The following SNX16 variants were observed in gnomAD, a reference collection of about 807,000 sequenced individuals.
SNX16 encodes the protein sorting nexin-16.
Under a neutral mutation model 36.7 loss-of-function variants are expected in SNX16, and 35 were observed. The ratio of observed to expected loss-of-function variants is 0.95; its 90% CI spans 0.73 to 1.27. SNX16 has a LOEUF of 1.27. Ranked by LOEUF, SNX16 falls within the 50% of genes most tolerant of loss-of-function variation. SNX16 has a pLI of 0.00. For synonymous variants in SNX16, 134 were observed against 132.0 expected (o/e 1.02, Z -0.10); for missense variants, 367 against 393.6 (o/e 0.93, Z 0.57).
intron 3 of SNX16, among the ~76,000 whole-genome samples, chr8:81,826,463 G>C (rs992190724): frequency 6.6e-6 from 1 of 151,996 alleles, no homozygotes; most frequent in South Asian, 2.1e-4. Flanking sequence ...CTGTAACCTG[G>C]AAGTAGAAAT....
chr8:81,817,887 T>C (rs1810564409), intron 4 of SNX16, among the ~76,000 whole-genome samples: 1 of 152,186 alleles, frequency 6.6e-6, no homozygotes, highest in African/African-American at 2.4e-5. Context: ...TGTGTGCCAT[T>C]ATTCCTTTTA....
chr8:81,833,073 T>A (rs1811338834), intron 2 of SNX16, among the ~76,000 whole-genome samples: 1 of 151,930 alleles, frequency 6.6e-6, no homozygotes, highest in South Asian at 2.1e-4. Context: ...GTAAACAGCT[T>A]TTATTAAAAT....
intron 4 of SNX16, among the ~76,000 whole-genome samples, chr8:81,822,957 T>TAC (rs1220563871): frequency 3.8e-5 from 3 of 79,428 alleles, no homozygotes; most frequent in African/African-American, 1.0e-4. Flanking sequence ...CATATATATA[T>TAC]ATATATATAT....
Position 81,817,945 on chromosome 8 carries a change from T to C in SNX16, c.612-2551A>G, listed in dbSNP as rs569561831. ...GTGTTTGGGAAACCTATTTTAAAAT[T>C]GGGGTCAGGTGTTGACTTAATTTAC... On this transcript the variant is annotated intron_variant, in intron 4 of 7. Coordinates refer to ENST00000345957, the MANE Select transcript of SNX16 (RefSeq NM_152836.3). Among the ~76,000 whole-genome samples, 4 of 152,270 alleles carry C rather than the reference T, an allele frequency of 2.6e-5. No homozygotes were observed. The South Asian group carries it at 8.3e-4, about 32-fold the overall frequency.
intron 5 of SNX16, chr8:81,808,127 A>G (rs1810052036): frequency 1.6e-6 from 2 of 1,253,398 alleles, no homozygotes; most frequent in Non-Finnish European, 2.3e-6. Flanking sequence ...ACTGAAGAAC[A>G]TCACCTAAGA....
At chr8:81,802,069 T>A (rs1809723806) in intron 7 of SNX16, among the ~76,000 whole-genome samples, 1 of 151,602 alleles carries the variant, frequency 6.6e-6, no homozygotes, top group South Asian at 2.1e-4. Flanking sequence ...TGAGGGAGAT[T>A]AAGGTAATCT....
Position 81,807,744 on chromosome 8 carries a change from T to G in SNX16, c.682-4516A>C. The G allele has an allele frequency of 4.6e-6, 3 of 648,722 alleles. No individual in the cohort carries two copies. The South Asian group carries it at 5.4e-5, about 12-fold the overall frequency. The allele number at this position is 648,722 out of a possible 1,614,324, so 40.2% of individuals were successfully genotyped here. A position where few individuals can be genotyped will look rare whatever the true frequency, so the allele number is the denominator to read the frequency against. On this transcript the variant is annotated intron_variant, in intron 5 of 7. Coordinates refer to ENST00000345957, the MANE Select transcript of SNX16 (RefSeq NM_152836.3). ...CCCGTGGATGCCGCCGAAGAAGCAT[T>G]GTTAAAGTCTCTCTTCTCCCTGCTG...
At chr8:81,809,387 A>G (rs1810120010) in intron 5 of SNX16, among the ~76,000 whole-genome samples, 1 of 152,176 alleles carries the variant, frequency 6.6e-6, no homozygotes, top group Non-Finnish European at 1.5e-5. Flanking sequence ...ATGGGAATGA[A>G]GCTTGTGTAT....
chr8:81,827,202 T>C (rs567391854), intron 3 of SNX16, among the ~76,000 whole-genome samples: 2 of 152,276 alleles, frequency 1.3e-5, no homozygotes, highest in African/African-American at 4.8e-5. Flanking sequence ...TTCTAAAAGA[T>C]TTATCTAAAT....
chr8:81,808,741 A>G, intron 5 of SNX16: 2 of 1,134,466 alleles, frequency 1.8e-6, no homozygotes, highest in Non-Finnish European at 2.6e-6. Flanking sequence ...TAATTAGGAA[A>G]CAAAGCTCAG....
chr8:81,829,599 T>A lies in SNX16; in HGVS notation c.376-83A>T, dbSNP rs1348171175. On this transcript the variant is annotated intron_variant, in intron 2 of 7. Coordinates refer to ENST00000345957, the MANE Select transcript of SNX16 (RefSeq NM_152836.3). ...AACTCAAGCCAAATATTTTAAAAAA[T>A]TTTACTTGATAACCCAGACTATAAC... is the stretch of plus-strand genomic sequence containing the variant. 4 of 500,556 alleles carry A rather than the reference T, an allele frequency of 8.0e-6. No individual in the cohort carries two copies. The African/African-American group carries it at 8.0e-5, about 10-fold the overall frequency. 31.0% of individuals were successfully genotyped at this position (500,556 alleles called of 1,614,324 possible). A position where few individuals can be genotyped will look rare whatever the true frequency, so the allele number is the denominator to read the frequency against.
At chr8:81,826,530 T>C (rs1272698335) in intron 3 of SNX16, among the ~76,000 whole-genome samples, 1 of 152,050 alleles carries the variant, frequency 6.6e-6, no homozygotes, top group Non-Finnish European at 1.5e-5. Flanking sequence ...ATGGCCATAT[T>C]TCTACAATCA....
chr8:81,838,470 C>T (rs1329136272), intron 2 of SNX16, among the ~76,000 whole-genome samples: 1 of 151,694 alleles, frequency 6.6e-6, no homozygotes, highest in African/African-American at 2.4e-5. Flanking sequence ...CAGAAGCAGA[C>T]CCATGCATTT....
intron 5 of SNX16, 30 bp from the exon 6 acceptor site, chr8:81,803,258 A>G (rs1383888832): frequency 2.5e-6 from 4 of 1,575,582 alleles, no homozygotes; most frequent in South Asian, 1.2e-5. Flanking sequence ...AAAACTAAAC[A>G]CATGCAGAAA....
rs146641286 is a variant in SNX16, at chr8:81,832,751, T to C, written c.376-3235A>G. Among the ~76,000 whole-genome samples the C allele has an allele frequency of 9.7e-4, 147 of 151,568 alleles. No homozygotes were observed. In the Middle Eastern group the frequency reaches 0.01, roughly 11 times the overall value. On this transcript the variant is annotated intron_variant, in intron 2 of 7. Coordinates refer to ENST00000345957, the MANE Select transcript of SNX16 (RefSeq NM_152836.3). ...TTTTTATAAGTATGCTTTTAGAATG[T>C]ATTAAGAGAAAGTGTTATTTATGAT... is the stretch of plus-strand genomic sequence containing the variant.
intron 4 of SNX16, among the ~76,000 whole-genome samples, chr8:81,822,513 G>C (rs1810791387): frequency 1.3e-5 from 2 of 152,012 alleles, no homozygotes; most frequent in Non-Finnish European, 2.9e-5. Flanking sequence ...TAGTAAGAGG[G>C]GAGGAGGAAG....
intron 2 of SNX16, among the ~76,000 whole-genome samples, chr8:81,836,157 C>T (rs1811484180): frequency 6.6e-6 from 1 of 152,180 alleles, no homozygotes; most frequent in Non-Finnish European, 1.5e-5. Context: ...GCTTCCTTCC[C>T]AATTCTACTC....
intron 5 of SNX16, chr8:81,815,120 T>A (rs555863111): frequency 1.1e-3 from 328 of 304,034 alleles, no homozygotes; most frequent in Non-Finnish European, 1.7e-3. Context: ...ATAAGACATA[T>A]ATGAATTTTT....
intron 5 of SNX16, chr8:81,808,700 C>T (rs558245960): frequency 1.8e-6 from 2 of 1,091,048 alleles, no homozygotes; most frequent in South Asian, 1.2e-5. Context: ...GTTCCAGGAG[C>T]AGCCGTAGCT....
Sources: gnomAD v4.1 joint callset for allele counts (sites outside exome capture counted in the v4.1 genomes callset) on GRCh38, gnomAD v4.1.1 for gene constraint, MANE v1.5 for transcripts, NCBI Gene and HGNC (gene_info 2026-07-23, HGNC 2026-07-21) for gene names.